MOXD1: variants seen among roughly 807,000 people sequenced by gnomAD.
The protein encoded by MOXD1 is DBH-like monooxygenase protein 1.
MOXD1 carries 62 observed loss-of-function variants against 66.6 expected under a neutral mutation model. That is an observed-to-expected ratio of 0.93 (90% CI 0.76 to 1.15). The LOEUF (loss-of-function observed/expected upper bound fraction) is 1.15, where lower values mean the gene tolerates loss of function less well. Among genes scored for constraint, MOXD1 ranks in the 50% most tolerant of loss-of-function variants. The pLI, the probability that MOXD1 is intolerant of heterozygous loss-of-function variation, is 0.00. For missense variants in MOXD1, 847 were observed against 754.6 expected, an observed-to-expected ratio of 1.12 and a Z score of -1.44; for synonymous variants, 303 against 281.9, an observed-to-expected ratio of 1.07 and a Z score of -0.75.
chr6:132,397,310 C>T (rs1056441944), intron 1 of MOXD1, among the ~76,000 whole-genome samples: 2 of 152,238 alleles, frequency 1.3e-5, no homozygotes, highest in Non-Finnish European at 1.5e-5. Flanking sequence ...TGGTTTGTTA[C>T]CAAGAATAGA....
intron 6 of MOXD1, among the ~76,000 whole-genome samples, chr6:132,327,273 A>G (rs917156030): frequency 6.6e-6 from 1 of 152,240 alleles, no homozygotes; most frequent in South Asian, 2.1e-4. Context: ...GATTGCTATG[A>G]AAAATTGATT....
intron 10 of MOXD1, among the ~76,000 whole-genome samples, chr6:132,306,349 A>G (rs1360626659): frequency 2.0e-5 from 3 of 152,112 alleles, no homozygotes; most frequent in Admixed American, 6.6e-5. Context: ...AGCCTCCAAG[A>G]AATATAGGAC....
intron 10 of MOXD1, among the ~76,000 whole-genome samples, chr6:132,315,259 T>C (rs1490606983): frequency 6.6e-6 from 1 of 152,206 alleles, no homozygotes; most frequent in Non-Finnish European, 1.5e-5. Flanking sequence ...ATGGTGTAAT[T>C]TGGTGCATTC....
intron 10 of MOXD1, among the ~76,000 whole-genome samples, chr6:132,310,943 C>A (rs1195334076): frequency 6.6e-6 from 1 of 152,160 alleles, no homozygotes; most frequent in African/African-American, 2.4e-5. Context: ...GCTGCACATT[C>A]TGCACATGTA....
chr6:132,384,769 T>C (rs1776592061), intron 1 of MOXD1, among the ~76,000 whole-genome samples: 1 of 152,208 alleles, frequency 6.6e-6, no homozygotes, highest in Non-Finnish European at 1.5e-5. Context: ...TGAATTACAG[T>C]GCCCAAAGAG....
chr6:132,361,261 A>G (rs1776012633), intron 4 of MOXD1, among the ~76,000 whole-genome samples: 1 of 152,032 alleles, frequency 6.6e-6, no homozygotes, highest in South Asian at 2.1e-4. Flanking sequence ...GAATTAGTTC[A>G]TAAAACTCAG....
intron 6 of MOXD1, chr6:132,325,190 T>G (rs939716426): frequency 2.3e-4 from 35 of 152,194 alleles, no homozygotes; most frequent in African/African-American, 8.0e-4. Context: ...GACTCCAGCT[T>G]CTTCAGATAT....
At chr6:132,379,930 C>G (rs1374542056) in intron 1 of MOXD1, among the ~76,000 whole-genome samples, 1 of 152,106 alleles carries the variant, frequency 6.6e-6, no homozygotes, top group African/African-American at 2.4e-5. Context: ...AATTTTATTT[C>G]TTGTAGAGAT....
chr6:132,370,012 A>G (rs1352590631), intron 4 of MOXD1, among the ~76,000 whole-genome samples: 1 of 152,090 alleles, frequency 6.6e-6, no homozygotes, highest in African/African-American at 2.4e-5. Flanking sequence ...TTCAACTGTG[A>G]TCGATATTCT....
chr6:132,339,634 C>T (rs1482343066), intron 4 of MOXD1, among the ~76,000 whole-genome samples: 1 of 152,210 alleles, frequency 6.6e-6, no homozygotes, highest in Non-Finnish European at 1.5e-5. Flanking sequence ...CTTGGGTGGC[C>T]TAAGCCCACT....
intron 4 of MOXD1, among the ~76,000 whole-genome samples, chr6:132,335,255 A>G (rs1775413329): frequency 6.6e-6 from 1 of 151,898 alleles, no homozygotes; most frequent in South Asian, 2.1e-4. Flanking sequence ...TTACCTAAAC[A>G]ATAATGCTGG....
At chr6:132,386,446 C>A (rs9493298) in intron 1 of MOXD1, among the ~76,000 whole-genome samples, 31,978 of 125,644 alleles carry the variant, frequency 0.25, 6,257 homozygotes, top group African/African-American at 0.5. Context: ...AAAAAAAAAA[C>A]AAAAAAAAAA....
At chr6:132,353,933 T>G (rs1775859239) in intron 4 of MOXD1, among the ~76,000 whole-genome samples, 1 of 152,220 alleles carries the variant, frequency 6.6e-6, no homozygotes, top group Non-Finnish European at 1.5e-5. Flanking sequence ...CGAATTTCTT[T>G]CTTCTACTTG....
intron 4 of MOXD1, among the ~76,000 whole-genome samples, chr6:132,350,071 G>T (rs1291529639): frequency 1.3e-5 from 2 of 152,144 alleles, no homozygotes; most frequent in Non-Finnish European, 2.9e-5. Context: ...CCACTCTGTG[G>T]GTTGTCTGTT....
At chr6:132,362,577 G>T (rs1375702851) in intron 4 of MOXD1, among the ~76,000 whole-genome samples, 1 of 152,134 alleles carries the variant, frequency 6.6e-6, no homozygotes, top group African/African-American at 2.4e-5. Flanking sequence ...TAGGTATTTT[G>T]TCATAAATTT....
intron 1 of MOXD1, among the ~76,000 whole-genome samples, chr6:132,376,600 G>A (rs1296530338): frequency 1.4e-4 from 8 of 55,366 alleles, no homozygotes; most frequent in African/African-American, 1.2e-3. Flanking sequence ...TGCAAGCTCC[G>A]CCTCCCGGGT....
intron 1 of MOXD1, among the ~76,000 whole-genome samples, chr6:132,399,951 T>C (rs1013130917): frequency 2.0e-5 from 3 of 152,230 alleles, no homozygotes; most frequent in Admixed American, 6.5e-5. Flanking sequence ...TTCAGCAGAA[T>C]GCAATCCTCA....
intron 4 of MOXD1, among the ~76,000 whole-genome samples, chr6:132,329,957 G>T (rs1450209821): frequency 1.3e-5 from 2 of 152,112 alleles, no homozygotes; most frequent in African/African-American, 4.8e-5. Context: ...GTCCTAATGT[G>T]GAAAGCGTGA....
At chr6:132,319,396 C>T (rs1025506692) in intron 9 of MOXD1, among the ~76,000 whole-genome samples, 18 of 151,818 alleles carry the variant, frequency 1.2e-4, no homozygotes, top group Non-Finnish European at 2.5e-4. Flanking sequence ...CACGGTATCT[C>T]TTACTGTCTT....
Sources: gnomAD v4.1 joint callset for allele counts (sites outside exome capture counted in the v4.1 genomes callset) on GRCh38, gnomAD v4.1.1 for gene constraint, MANE v1.5 for transcripts, NCBI Gene and HGNC (gene_info 2026-07-23, HGNC 2026-07-21) for gene names.